Variants in CWC25 observed in about 807,000 individuals in gnomAD.
The protein encoded by CWC25 is CWC25 spliceosome associated protein.
A neutral mutation model predicts 54.6 loss-of-function variants in CWC25; 31 were observed. The observed-to-expected ratio is 0.57, with a 90% CI of 0.43 to 0.77. The LOEUF is 0.77. Ranked by LOEUF, CWC25 falls within the 30% of genes least tolerant of loss-of-function variation. The probability of loss-of-function intolerance (pLI) is 0.00; values close to 1 mark genes in which losing one functional copy is unlikely to be tolerated. For synonymous variants in CWC25, 151 were observed against 187.0 expected (o/e 0.81, Z 1.57); for missense variants, 453 against 529.3 (o/e 0.86, Z 1.41).
Position 38,802,787 on chromosome 17 carries a change from C to T in CWC25, c.1076G>A (p.Arg359Lys), listed in dbSNP as rs1911081849. ...MENAKWREEE[R>K]LNILKRHAKD... ...AGCATGCCTCTTGAGGATGTTCAGT[C>T]TCTCCTCCTCCCTCCATTTGGCGTT... Residue 359 changes from arginine (R) to lysine (K), a missense_variant, in exon 9 of 10, where the codon AGA becomes AAA. Physicochemically the swap from Arg to Lys is conservative, Grantham distance 26. This residue lies in a region of CWC25 where 444 missense variants were observed against 499.2 expected (regional missense o/e 0.89). Coordinates refer to ENST00000614790, the MANE Select transcript of CWC25 (RefSeq NM_017748.5). The T allele has an allele frequency of 6.2e-7, 1 of 1,613,826 alleles. No homozygotes were observed. The highest frequency in any genetic ancestry group is 8.5e-7 in the Non-Finnish European group (1 of 1,179,720).
intron 1 of CWC25, among the ~76,000 whole-genome samples, chr17:38,824,643 G>A (rs1419798055): frequency 6.6e-6 from 1 of 151,086 alleles, no homozygotes; most frequent in East Asian, 2.0e-4. Flanking sequence ...CCGAGATCGC[G>A]CCATGGCACT....
intron 4 of CWC25, 112 bp downstream of exon 4, chr17:38,812,683 A>G: frequency 1.6e-6 from 1 of 625,180 alleles, no homozygotes; most frequent in Non-Finnish European, 2.8e-6. Context: ...AAAAGACAAA[A>G]GTTTTAGAGG....
Position 38,814,994 on chromosome 17 carries a change from T to C in CWC25, c.295A>G (p.Lys99Glu). The C allele has an allele frequency of 1.2e-6, 2 of 1,613,804 alleles. No homozygotes were observed. The highest frequency in any genetic ancestry group is 2.2e-5 in the South Asian group (2 of 91,074). Residue 99 changes from lysine (K) to glutamate (E), a missense_variant, in exon 3 of 10, where the codon AAG becomes GAG. By Grantham distance (56) the Lys-to-Glu change is moderately conservative. Transcript: ENST00000614790. Reference sequence around the variant, plus strand: ...CAGCCTGCCTCCTTCTCCTCCATCTTCTCAAAAACATATTTGTCAATGGGG... The same window carrying C: ...CAGCCTGCCTCCTTCTCCTCCATCTCCTCAAAAACATATTTGTCAATGGGG... ...GRPIDKYVFEKMEEKEAGCSS... is the reference protein window; with the variant it reads ...GRPIDKYVFEEMEEKEAGCSS...
At chr17:38,820,776 C>G in intron 2 of CWC25, 125 bp downstream of exon 2, 1 of 1,148,000 alleles carries the variant, frequency 8.7e-7, no homozygotes, top group Non-Finnish European at 1.2e-6. Context: ...ACCTTAGAAT[C>G]CAGGTGAGTC....
chr17:38,813,693 A>G (rs1371300654), intron 3 of CWC25, among the ~76,000 whole-genome samples: 1 of 151,594 alleles, frequency 6.6e-6, no homozygotes, highest in Non-Finnish European at 1.5e-5. Flanking sequence ...ATAGGCCCCC[A>G]CCACCATGCC....
At chr17:38,809,856 C>A in intron 5 of CWC25, 91 bp from the exon 6 acceptor site, 1 of 1,201,704 alleles carries the variant, frequency 8.3e-7, no homozygotes, top group Non-Finnish European at 1.2e-6. Flanking sequence ...TTCTTGCCTC[C>A]AATGTGACCT....
At chr17:38,809,813 G>T (rs1240062892) in intron 5 of CWC25, 48 bp from the exon 6 acceptor site, 2 of 1,533,652 alleles carry the variant, frequency 1.3e-6, no homozygotes, top group African/African-American at 2.7e-5. Flanking sequence ...AATATATATA[G>T]GTCCAATTTA....
chr17:38,815,525 C>T, intron 2 of CWC25: 2 of 536,322 alleles, frequency 3.7e-6, no homozygotes, highest in Admixed American at 2.4e-5. Flanking sequence ...GCACTCCAGC[C>T]TGGGTGACGG....
At chr17:38,823,064 T>A (rs1263674644) in intron 1 of CWC25, among the ~76,000 whole-genome samples, 1 of 151,624 alleles carries the variant, frequency 6.6e-6, no homozygotes, top group Non-Finnish European at 1.5e-5. Flanking sequence ...GGTCTCGATC[T>A]CCTGACCTCA....
At chr17:38,809,426 C>CAA (rs763244461) in intron 6 of CWC25, among the ~76,000 whole-genome samples, 3,793 of 129,614 alleles carry the variant, frequency 0.029, 151 homozygotes, top group African/African-American at 0.094. Flanking sequence ...GACTCCGTCT[C>CAA]AAAAAAAAAA....
chr17:38,816,810 G>A (rs1458942340), intron 2 of CWC25, among the ~76,000 whole-genome samples: 9 of 151,420 alleles, frequency 5.9e-5, no homozygotes, highest in African/African-American at 2.2e-4. Context: ...TCAGCCTCCC[G>A]AATAGCTGGG....
intron 9 of CWC25, 77 bp from the exon 10 acceptor site, chr17:38,802,283 TG>T: frequency 2.0e-6 from 2 of 997,598 alleles, no homozygotes; most frequent in Non-Finnish European, 3.1e-6. Context: ...TCAGAAGAAA[TG>T]GGTTGTTAGC....
intron 5 of CWC25, 139 bp downstream of exon 5, chr17:38,810,329 G>A (rs1196548212): frequency 2.3e-6 from 2 of 856,876 alleles, no homozygotes; most frequent in South Asian, 1.9e-5. Context: ...GTGGGCACTG[G>A]GCCCATGTTC....
rs1443411345 is a variant in CWC25 at position 38,810,558 on chromosome 17, T to A, written c.536A>T (p.Lys179Met). 1 of 1,563,662 alleles carries A rather than the reference T, an allele frequency of 6.4e-7. No individual in the cohort carries two copies. Among genetic ancestry groups the A allele is most frequent in the African/African-American group, 1.3e-5 (1 of 74,130 alleles). Reference protein sequence around the residue: ...MSLEKKEKKKKKEKKKKHKKH... With the variant: ...MSLEKKEKKKMKEKKKKHKKH... ...CTTGTGCTTCTTTTTCTTCTCCTTCTTTTTCTTCTTCTCCTTTTTTTCCAG... is the reference window on the plus strand; with the variant it reads ...CTTGTGCTTCTTTTTCTTCTCCTTCATTTTCTTCTTCTCCTTTTTTTCCAG... The change falls in exon 5 of 10, where the codon AAG becomes ATG. Residue 179 changes from lysine (K) to methionine (M), a missense_variant. Coordinates refer to ENST00000614790, the MANE Select transcript of CWC25 (RefSeq NM_017748.5).
rs1341171224 is a variant in CWC25 at position 38,825,307 on chromosome 17, T to C, written c.-124A>G. 2.0e-6 allele frequency: 2 copies of C among 1,000,732 alleles called. No homozygotes were observed. Among genetic ancestry groups the C allele is most frequent in the South Asian group, 1.7e-5 (1 of 59,876 alleles). The allele number at this position is 1,000,732 out of a possible 1,614,324, so 62.0% of individuals were successfully genotyped here. Reference sequence around the variant, plus strand: ...AGTCCCAGGAGCCGTCAACTGCCAGTTTCACCACCGCTCTAGAGGTCACTT... The same window carrying C: ...AGTCCCAGGAGCCGTCAACTGCCAGCTTCACCACCGCTCTAGAGGTCACTT... On this transcript the variant is annotated 5_prime_UTR_variant, in exon 1 of 10. Transcript: ENST00000614790.
rs1911640193 is a variant in CWC25 at position 38,814,966 on chromosome 17, G to A, written c.323C>T (p.Ser108Phe). 1 of 1,613,730 alleles carries A rather than the reference G, an allele frequency of 6.2e-7. No homozygotes were observed. The highest frequency in any genetic ancestry group is 1.3e-5 in the African/African-American group (1 of 74,856). Residue 108 changes from serine to phenylalanine, a missense_variant, in exon 3 of 10, where the codon TCT (serine) becomes TTT (phenylalanine). Around this residue, in one of 2 missense-constraint regions of CWC25, gnomAD observed 444 missense variants for 499.2 expected, o/e 0.89. Coordinates refer to ENST00000614790, the MANE Select transcript of CWC25 (RefSeq NM_017748.5). The stretch of plus-strand genomic sequence containing the variant: ...GCCTGGGAGAAGTCCTGTTTCAGAA[G>A]AGCAGCCTGCCTCCTTCTCCTCCAT... ...EKMEEKEAGC[S>F]SETGLLPGSI... is the part of the protein sequence containing the mutation.
At chr17:38,816,537 C>A (rs570529614) in intron 2 of CWC25, among the ~76,000 whole-genome samples, 13 of 152,020 alleles carry the variant, frequency 8.6e-5, no homozygotes, top group Middle Eastern at 6.8e-3. Flanking sequence ...CAAGGGTGAG[C>A]CACCATGCCC....
Position 38,802,063 on chromosome 17 carries a change from A to G in CWC25, c.*29T>C. 6.9e-7 allele frequency: 1 copy of G among 1,445,254 alleles called. No individual in the cohort carries two copies. The highest frequency in any genetic ancestry group is 9.7e-7 in the Non-Finnish European group (1 of 1,030,124). 89.5% of individuals were successfully genotyped at this position (1,445,254 alleles called of 1,614,324 possible). On this transcript the variant is annotated 3_prime_UTR_variant, in exon 10 of 10. Coordinates refer to ENST00000614790, the MANE Select transcript of CWC25 (RefSeq NM_017748.5). ...GGTCAGCAGCTTCCCTGGAAAATGCAGGAAAACCAATAAGAGAGGGGACAG... is the reference window on the plus strand; with the variant it reads ...GGTCAGCAGCTTCCCTGGAAAATGCGGGAAAACCAATAAGAGAGGGGACAG...
At chr17:38,811,188 G>A (rs754080453) in intron 4 of CWC25, among the ~76,000 whole-genome samples, 7 of 151,614 alleles carry the variant, frequency 4.6e-5, no homozygotes, top group Non-Finnish European at 8.8e-5. Context: ...CTGAGATCAC[G>A]CCACTGCACT....
Sources: allele counts gnomAD v4.1 joint callset (sites outside exome capture counted in the v4.1 genomes callset), GRCh38; gene constraint gnomAD v4.1.1; regional missense constraint gnomAD v4.1.1; transcripts MANE v1.5; gene names NCBI Gene and HGNC (gene_info 2026-07-23, HGNC 2026-07-21).